LARS1: variants seen among roughly 807,000 people sequenced by gnomAD.
LARS1 encodes leucyl-tRNA synthetase 1, also known as leucine--tRNA ligase, cytoplasmic.
LARS1 carries 100 observed loss-of-function variants against 162.8 expected under a neutral mutation model. The observed-to-expected ratio is 0.61, with a 90% confidence interval of 0.52 to 0.73. The LOEUF is 0.73. Ranked by LOEUF, LARS1 falls within the 30% of genes least tolerant of loss-of-function variation. The pLI is 0.00. For missense variants in LARS1, 1,258 were observed against 1,408.9 expected (o/e 0.89, Z 1.71); for synonymous variants, 457 against 462.8 (o/e 0.99, Z 0.16).
chr5:146,119,654 G>A (rs1022228624), intron 31 of LARS1, among the ~76,000 whole-genome samples: 3 of 152,082 alleles, frequency 2.0e-5, no homozygotes, highest in African/African-American at 4.8e-5. Context: ...GCTGGATGAC[G>A]AAAAGAAAAG....
chr5:146,178,860 TGAG>T (rs2126612296), intron 1 of LARS1, among the ~76,000 whole-genome samples: 1 of 152,236 alleles, frequency 6.6e-6, no homozygotes, highest in East Asian at 1.9e-4. Context: ...TTTGGGAGGC[TGAG>T]GAGGGAGGAT....
chr5:146,146,035 G>C (rs1752989262), intron 15 of LARS1, among the ~76,000 whole-genome samples: 1 of 152,176 alleles, frequency 6.6e-6, no homozygotes, highest in Non-Finnish European at 1.5e-5. Flanking sequence ...TAAATAGAAA[G>C]AGACTCAGAA....
At chr5:146,182,428 C>G in intron 1 of LARS1, 60 bp downstream of exon 1, 1 of 1,607,858 alleles carries the variant, frequency 6.2e-7, no homozygotes, top group Non-Finnish European at 8.5e-7. Context: ...CATGGAGAGC[C>G]CCTAGAGACT....
intron 10 of LARS1, among the ~76,000 whole-genome samples, chr5:146,155,452 T>C (rs1284252013): frequency 1.3e-5 from 2 of 152,168 alleles, no homozygotes; most frequent in Non-Finnish European, 2.9e-5. Context: ...ATACATCTAT[T>C]TAAAATAGTA....
At position 146,143,087 on chromosome 5, in the gene LARS1, G is replaced by A; in HGVS notation, c.1878-3C>T. 4 of 1,576,436 alleles carry A rather than the reference G, an allele frequency of 2.5e-6. No individual in the cohort carries two copies. Among genetic ancestry groups the A allele is most frequent in the Non-Finnish European group, 3.4e-6 (4 of 1,160,236 alleles). The stretch of plus-strand genomic sequence containing the variant: ...CTTCCTTGGTCATCTGTTGCGGTCT[G>A]TATTAAAAATAAAACAAACTATTTT... On this transcript the variant is annotated splice_polypyrimidine_tract_variant and splice_region_variant and intron_variant, in intron 19 of 31. Coordinates refer to ENST00000394434, the MANE Select transcript of LARS1 (RefSeq NM_020117.11).
rs1231666338 is a variant in LARS1 at position 146,157,797 on chromosome 5, T to C, written c.772-2A>G. On this transcript the variant is annotated splice_acceptor_variant, in intron 8 of 31. Coordinates refer to ENST00000394434, the MANE Select transcript of LARS1 (RefSeq NM_020117.11). LOFTEE classifies it high-confidence loss of function. ...AGTATATTCCTGAGGTCCAACACCC[T>C]AAGCAAATAAACGATACAAAAATTT... The C allele has an allele frequency of 3.7e-6, 6 of 1,613,448 alleles. No homozygotes were observed. The Admixed American group carries it at 1.0e-4, about 27-fold the overall frequency.
chr5:146,166,108 A>G (rs36095232), intron 5 of LARS1, among the ~76,000 whole-genome samples: 33,868 of 152,158 alleles, frequency 0.22, 4,835 homozygotes, highest in Admixed American at 0.34. Context: ...CCAGGCAATG[A>G]GCACACCCAG....
chr5:146,149,936 C>A (rs1304756040), intron 14 of LARS1, among the ~76,000 whole-genome samples: 1 of 152,132 alleles, frequency 6.6e-6, no homozygotes. Flanking sequence ...CACGGAGATA[C>A]CTAGTGTGAG....
In LARS1 at chr5:146,182,552, G is replaced by C. The variant is rs1488673828; in HGVS notation, c.-59C>G. 7.4e-6 allele frequency: 12 copies of C among 1,613,124 alleles called. No individual in the cohort carries two copies. Among genetic ancestry groups the C allele is most frequent in the South Asian group, 1.1e-5 (1 of 91,048 alleles). On this transcript the variant is annotated 5_prime_UTR_variant, in exon 1 of 32. Coordinates refer to ENST00000394434, the MANE Select transcript of LARS1 (RefSeq NM_020117.11). ...AATGACCCTGGCGACCTCCACAAAGGAGTGGTTACCTTTCCCCTCCCTCTC... is the reference window on the plus strand; with the variant it reads ...AATGACCCTGGCGACCTCCACAAAGCAGTGGTTACCTTTCCCCTCCCTCTC...
At chr5:146,167,037 T>G (rs1424455128) in intron 5 of LARS1, among the ~76,000 whole-genome samples, 2 of 152,150 alleles carry the variant, frequency 1.3e-5, no homozygotes, top group South Asian at 2.1e-4. Flanking sequence ...TGAGAAAGCA[T>G]CAAACAAACT....
chr5:146,181,527 G>A (rs545158374), intron 1 of LARS1, among the ~76,000 whole-genome samples: 40 of 151,938 alleles, frequency 2.6e-4, no homozygotes, highest in Non-Finnish European at 1.3e-4. Flanking sequence ...AATGGAGCAC[G>A]CTTGCAGTAC....
rs58569901 is a variant in LARS1 at position 146,113,146 on chromosome 5, C to A, written c.*960G>T. 13,348 of 152,270 alleles carry A rather than the reference C, an allele frequency of 0.088. 723 individuals carry two copies. Among genetic ancestry groups the A allele is most frequent in the African/African-American group, 0.15 (6,114 of 41,522 alleles). 9.4% of individuals were successfully genotyped at this position (152,270 alleles called of 1,614,324 possible). A position where few individuals can be genotyped will look rare whatever the true frequency, so the allele number is the denominator to read the frequency against. ...ATGGCACGGTTTCAGCTCACTGCAA[C>A]CTCGGTCTCCCAGGTTCAAGCGATT... On this transcript the variant is annotated 3_prime_UTR_variant, in exon 32 of 32. Coordinates refer to ENST00000394434, the MANE Select transcript of LARS1 (RefSeq NM_020117.11).
intron 28 of LARS1, among the ~76,000 whole-genome samples, chr5:146,124,517 G>A (rs928377566): frequency 2.0e-5 from 3 of 151,642 alleles, no homozygotes; most frequent in Non-Finnish European, 4.4e-5. Flanking sequence ...CTGTTTCAGA[G>A]AATAGTGAAT....
intron 10 of LARS1, among the ~76,000 whole-genome samples, chr5:146,154,935 C>T (rs955638774): frequency 2.7e-4 from 41 of 151,830 alleles, no homozygotes; most frequent in African/African-American, 9.2e-4. Flanking sequence ...CTCACTGCAA[C>T]CTCCGCCTCC....
At chr5:146,144,140 C>G in intron 18 of LARS1, 127 bp downstream of exon 18, 1 of 676,786 alleles carries the variant, frequency 1.5e-6, no homozygotes, top group Non-Finnish European at 2.6e-6. Context: ...TCATGACCAT[C>G]CAGAGGAAAC....
intron 21 of LARS1, among the ~76,000 whole-genome samples, chr5:146,136,010 C>A (rs1006684018): frequency 2.0e-5 from 3 of 152,062 alleles, no homozygotes; most frequent in Non-Finnish European, 4.4e-5. Flanking sequence ...AGCTTTACGG[C>A]AATTAGAATC....
At position 146,126,489 on chromosome 5, in the gene LARS1, C is replaced by T. The variant is rs753968130; in HGVS notation, c.2937G>A (p.Met979Ile). 3 of 1,612,354 alleles carry T rather than the reference C, an allele frequency of 1.9e-6. No individual in the cohort carries two copies. The highest frequency in any genetic ancestry group is 3.3e-5 in the Admixed American group (2 of 59,832). The change falls in exon 28 of 32, where the codon ATG (methionine) becomes ATA (isoleucine). Residue 979 changes from methionine (M) to isoleucine (I), a missense_variant. By Grantham distance (10) the Met-to-Ile change is conservative. Transcript: ENST00000394434. ...NKVIASELGSMPELKKYMKKV... is the reference protein window; with the variant it reads ...NKVIASELGSIPELKKYMKKV... ...TCTTCATGTATTTCTTCAGTTCTGG[C>T]ATACTGCCTAGTTCACTAGCAATGA...
intron 22 of LARS1, 114 bp downstream of exon 22, chr5:146,135,487 A>T: frequency 2.8e-6 from 2 of 718,556 alleles, no homozygotes; most frequent in South Asian, 1.8e-5. Flanking sequence ...TTAAGATTTT[A>T]AAATTTTGTT....
At chr5:146,179,151 G>C (rs1330509743) in intron 1 of LARS1, among the ~76,000 whole-genome samples, 1 of 152,048 alleles carries the variant, frequency 6.6e-6, no homozygotes, top group Non-Finnish European at 1.5e-5. Flanking sequence ...AGAATTACCT[G>C]AACCCAAGAG....
Sources: gnomAD v4.1 joint callset for allele counts (sites outside exome capture counted in the v4.1 genomes callset) on GRCh38, gnomAD v4.1.1 for gene constraint, MANE v1.5 for transcripts, NCBI Gene and HGNC (gene_info 2026-07-23, HGNC 2026-07-21) for gene names.